The following EXOC4 variants were observed in gnomAD, a reference collection of about 807,000 sequenced individuals.
The protein encoded by EXOC4 is SEC8-like 1.
Under a neutral mutation model 107.2 loss-of-function variants are expected in EXOC4, and 71 were observed. That is an observed-to-expected ratio of 0.66 (90% CI 0.55 to 0.81). EXOC4 has a LOEUF of 0.81. EXOC4 is among the 30% of genes least tolerant of loss of function. The probability of loss-of-function intolerance (pLI) is 0.00; values close to 1 mark genes in which losing one functional copy is unlikely to be tolerated. For missense variants in EXOC4, 1,108 were observed against 1,189.6 expected (o/e 0.93, Z 1.01); for synonymous variants, 456 against 441.2 (o/e 1.03, Z -0.42).
intron 10 of EXOC4, among the ~76,000 whole-genome samples, chr7:133,676,927 CTGTGTGTGTGTGTGTGTG>C (rs559035446): frequency 8.0e-6 from 1 of 124,658 alleles, no homozygotes; most frequent in Non-Finnish European, 1.7e-5. Flanking sequence ...GTAGTAAACT[CTGTGTGTGTGTGTGTGTG>C]TGTGTGTGTG....
chr7:133,813,277 G>A (rs946127219), intron 10 of EXOC4, among the ~76,000 whole-genome samples: 2 of 152,128 alleles, frequency 1.3e-5, no homozygotes, highest in African/African-American at 4.8e-5. Context: ...GGCTAATTTA[G>A]AGTCTTCTGC....
At chr7:133,754,670 T>C (rs1795862177) in intron 10 of EXOC4, among the ~76,000 whole-genome samples, 1 of 152,230 alleles carries the variant, frequency 6.6e-6, no homozygotes, top group Non-Finnish European at 1.5e-5. Flanking sequence ...TGATGTACTA[T>C]GAGCTATGCA....
chr7:133,541,598 C>CA (rs1800380745), intron 9 of EXOC4, among the ~76,000 whole-genome samples: 1 of 152,140 alleles, frequency 6.6e-6, no homozygotes, highest in Non-Finnish European at 1.5e-5. Flanking sequence ...CTCCTGGGCA[C>CA]AAATGATCCT....
At chr7:133,774,502 A>T (rs768714768) in intron 10 of EXOC4, among the ~76,000 whole-genome samples, 38 of 152,180 alleles carry the variant, frequency 2.5e-4, no homozygotes, top group Non-Finnish European at 4.4e-4. Context: ...TGAGGTTATT[A>T]CTATTATTCT....
intron 4 of EXOC4, 47 bp downstream of exon 4, chr7:133,306,108 G>A (rs747954718): frequency 4.1e-6 from 6 of 1,450,718 alleles, no homozygotes; most frequent in Non-Finnish European, 3.7e-6. Flanking sequence ...GTGTAGGATT[G>A]GAAGGAATAT....
Position 133,629,191 on chromosome 7 carries a change from A to G in EXOC4, c.1418-854A>G, listed in dbSNP as rs1338302619. 2.0e-5 allele frequency among the ~76,000 whole-genome samples: 3 copies of G among 152,330 alleles called. 1 individual carries two copies. The highest frequency in any genetic ancestry group is 4.1e-4 in the South Asian group (2 of 4,828). On this transcript the variant is annotated intron_variant, in intron 9 of 17. Transcript: ENST00000253861. Reference sequence around the variant, plus strand: ...AGGAAACATTCCAAGAAAGCATTATATAGTTTAAATAGCAGGACTTTTTTT... The same window carrying G: ...AGGAAACATTCCAAGAAAGCATTATGTAGTTTAAATAGCAGGACTTTTTTT...
chr7:133,656,171 A>G lies in EXOC4; in HGVS notation c.1514+26030A>G, dbSNP rs543328456. ...ATTGCCTCACCACAGTATTTGTAGT[A>G]TAGAAGGACTTGGAGAAAGATCACT... is the stretch of plus-strand genomic sequence containing the variant. On this transcript the variant is annotated intron_variant, in intron 10 of 17. Coordinates refer to ENST00000253861, the MANE Select transcript of EXOC4 (RefSeq NM_021807.4). Among the ~76,000 whole-genome samples, 5 of 152,314 alleles carry G rather than the reference A, an allele frequency of 3.3e-5. No individual in the cohort carries two copies. The South Asian group carries it at 1.0e-3, about 32-fold the overall frequency.
intron 12 of EXOC4, among the ~76,000 whole-genome samples, chr7:133,899,288 A>T (rs1799395920): frequency 6.6e-6 from 1 of 152,176 alleles, no homozygotes; most frequent in African/African-American, 2.4e-5. Context: ...TGTATTATTG[A>T]TGTTGTTGTC....
intron 10 of EXOC4, among the ~76,000 whole-genome samples, chr7:133,799,650 C>A (rs2551012): frequency 0.99 from 150,273 of 152,284 alleles, 74,187 homozygotes; most frequent in Middle Eastern, 1. Flanking sequence ...GAGGACCATG[C>A]AAACCAGAGG....
At chr7:133,977,738 T>TTG (rs201003706) in intron 14 of EXOC4, among the ~76,000 whole-genome samples, 2,766 of 88,214 alleles carry the variant, frequency 0.031, 36 homozygotes, top group Non-Finnish European at 0.039. Context: ...TTTTGTTGTT[T>TTG]TGTGTGTGTG....
intron 9 of EXOC4, among the ~76,000 whole-genome samples, chr7:133,593,436 C>G (rs1462256483): frequency 6.6e-6 from 1 of 152,144 alleles, no homozygotes; most frequent in Non-Finnish European, 1.5e-5. Flanking sequence ...ATCTTTAAGC[C>G]ACAGGCCATC....
At chr7:134,082,759 G>C in the EXOC4 span, among the ~76,000 whole-genome samples, 4 of 152,220 alleles carry the variant, frequency 2.6e-5, no homozygotes, top group East Asian at 7.8e-4. Flanking sequence ...TGTTTTATCA[G>C]CAAGCTCTTT....
At chr7:133,735,656 T>C (rs1437998576) in intron 10 of EXOC4, among the ~76,000 whole-genome samples, 1 of 152,280 alleles carries the variant, frequency 6.6e-6, no homozygotes, top group Non-Finnish European at 1.5e-5. Context: ...TTTCACTTTT[T>C]CTGAGGAACG....
At chr7:134,062,368 A>G (rs965812649) in intron 17 of EXOC4, among the ~76,000 whole-genome samples, 4 of 152,218 alleles carry the variant, frequency 2.6e-5, no homozygotes, top group African/African-American at 9.6e-5. Context: ...CAGCAATTCA[A>G]TAAAACAGGC....
chr7:134,049,129 C>G (rs1311895969), intron 17 of EXOC4, among the ~76,000 whole-genome samples: 4 of 152,166 alleles, frequency 2.6e-5, no homozygotes, highest in African/African-American at 9.6e-5. Flanking sequence ...TAAATAATGA[C>G]TAAAAGTTTC....
chr7:133,336,700 TTTTATTTTATTTTATTTTATTTTA>T (rs542463735), intron 5 of EXOC4, among the ~76,000 whole-genome samples: 11,439 of 63,094 alleles, frequency 0.18, 548 homozygotes, highest in South Asian at 0.32. Flanking sequence ...ATTTATTTTA[TTTTATTTTATTTTATTTTATTTTA>T]TTTATTTTAT....
At chr7:133,616,800 C>T (rs569747855) in intron 9 of EXOC4, among the ~76,000 whole-genome samples, 45 of 152,072 alleles carry the variant, frequency 3.0e-4, no homozygotes, top group Non-Finnish European at 5.1e-4. Context: ...TCGATATCAA[C>T]GATTATAATT....
At chr7:134,092,701 G>A in the EXOC4 span, among the ~76,000 whole-genome samples, 22 of 152,142 alleles carry the variant, frequency 1.4e-4, no homozygotes, top group East Asian at 1.2e-3. Context: ...ACAAGAGATC[G>A]TGAAGGGAGT....
chr7:134,001,074 C>G (rs1199512359), intron 15 of EXOC4, among the ~76,000 whole-genome samples: 1 of 152,056 alleles, frequency 6.6e-6, no homozygotes, highest in Non-Finnish European at 1.5e-5. Context: ...CCAAGCAGCC[C>G]CTTTCCACAG....
Sources: allele counts gnomAD v4.1 joint callset (sites outside exome capture counted in the v4.1 genomes callset), GRCh38; gene constraint gnomAD v4.1.1; transcripts MANE v1.5; gene names NCBI Gene and HGNC (gene_info 2026-07-23, HGNC 2026-07-21).